Variants in IL34 observed in about 807,000 individuals in gnomAD.
IL34 encodes interleukin 34, also known as interleukin-34.
In IL34, 17 loss-of-function variants were observed where a neutral mutation model predicts 25.3. That is an observed-to-expected ratio of 0.67 (90% CI 0.46 to 1.01). The LOEUF is 1.01. IL34 is among the 50% of genes least tolerant of loss of function. The probability of loss-of-function intolerance (pLI) is 0.00; values close to 1 mark genes in which losing one functional copy is unlikely to be tolerated. For missense variants in IL34, 368 were observed against 312.9 expected (o/e 1.18, Z -1.33); for synonymous variants, 174 against 140.9 (o/e 1.23, Z -1.66).
chr16:70,643,544 A>G (rs2051836584), upstream of IL34, among the ~76,000 whole-genome samples: 1 of 151,992 alleles, frequency 6.6e-6, no homozygotes, highest in Non-Finnish European at 1.5e-5. Flanking sequence ...CTAATTAAAA[A>G]AATTTTTGTT....
At chr16:70,595,337 CT>C (rs1164185303) in intron 1 of IL34, among the ~76,000 whole-genome samples, 6 of 147,550 alleles carry the variant, frequency 4.1e-5, no homozygotes, top group African/African-American at 1.6e-4. Context: ...CCTTCTCCTT[CT>C]TTTTCTTCTT....
chr16:70,655,062 T>C (rs2052180855), intron 2 of IL34, among the ~76,000 whole-genome samples: 1 of 151,942 alleles, frequency 6.6e-6, no homozygotes, highest in Admixed American at 6.6e-5. Context: ...ATGTATCTTT[T>C]TTTTTTTTTG....
At chr16:70,621,118 G>A (rs2051272466) in intron 1 of IL34, among the ~76,000 whole-genome samples, 1 of 152,116 alleles carries the variant, frequency 6.6e-6, no homozygotes, top group Non-Finnish European at 1.5e-5. Context: ...CGCTAAGGGT[G>A]AAGGAGAAGG....
chr16:70,621,119 A>G (rs1332582827), intron 1 of IL34, among the ~76,000 whole-genome samples: 1 of 152,038 alleles, frequency 6.6e-6, no homozygotes, highest in East Asian at 1.9e-4. Flanking sequence ...GCTAAGGGTG[A>G]AGGAGAAGGG....
At chr16:70,593,594 A>G (rs2050781469) in intron 1 of IL34, among the ~76,000 whole-genome samples, 1 of 152,074 alleles carries the variant, frequency 6.6e-6, no homozygotes, top group African/African-American at 2.4e-5. Flanking sequence ...TGTGGCTCAT[A>G]GCAGTCTTGA....
chr16:70,654,574 A>G lies in IL34; in HGVS notation c.65A>G (p.Glu22Gly). The part of the protein sequence containing the change: ...GIFLGVALGN[E>G]PLEMWPLTQN... ...TTCCTTGGCGTGGCCTTGGGGAATGAGCCTTTGGAGATGTGGCCCTTGACG... is the reference window on the plus strand; with the variant it reads ...TTCCTTGGCGTGGCCTTGGGGAATGGGCCTTTGGAGATGTGGCCCTTGACG... Residue 22 changes from glutamate to glycine, a missense_variant, in exon 2 of 6, where the codon GAG (glutamate) becomes GGG (glycine). By Grantham distance (98) the Glu-to-Gly change is moderately conservative (BLOSUM62 -2). Transcript: ENST00000288098. The G allele has an allele frequency of 6.2e-7, 1 of 1,613,360 alleles. No homozygotes were observed. The highest frequency in any genetic ancestry group is 8.5e-7 in the Non-Finnish European group (1 of 1,179,540).
At chr16:70,581,163 C>T (rs1173186089) in intron 1 of IL34, among the ~76,000 whole-genome samples, 2 of 152,100 alleles carry the variant, frequency 1.3e-5, no homozygotes, top group Admixed American at 6.5e-5. Flanking sequence ...CCACCCACCT[C>T]GGCCTCCCAA....
chr16:70,654,553 T>G lies in IL34; in HGVS notation c.44T>G (p.Leu15Arg), dbSNP rs771977946. The change falls in exon 2 of 6, where the codon CTT becomes CGT. Residue 15 changes from leucine to arginine, a missense_variant. By Grantham distance (102) the Leu-to-Arg change is moderately radical. Coordinates refer to ENST00000288098, the MANE Select transcript of IL34 (RefSeq NM_001393494.1). ...TGGTCCACAGATCTTGGGATCTTCC[T>G]TGGCGTGGCCTTGGGGAATGAGCCT... ...FTWLRYLGIFLGVALGNEPLE... is the reference protein window; with the variant it reads ...FTWLRYLGIFRGVALGNEPLE... The G allele has an allele frequency of 6.2e-6, 10 of 1,612,144 alleles. No individual in the cohort carries two copies. Among genetic ancestry groups the G allele is most frequent in the South Asian group, 1.1e-5 (1 of 90,894 alleles).
Position 70,659,818 on chromosome 16 carries a change from A to C in IL34, c.538+65A>C, listed in dbSNP as rs1351266851. On this transcript the variant is annotated intron_variant, in intron 5 of 5. Coordinates refer to ENST00000288098, the MANE Select transcript of IL34 (RefSeq NM_001393494.1). ...CCAGGCATCTGGGCCCACCCAGGCC[A>C]GCTGGCAGAGCTGGCGTCCTCCCGG... is the stretch of plus-strand genomic sequence containing the variant. 4 of 1,538,320 alleles carry C rather than the reference A, an allele frequency of 2.6e-6. No individual in the cohort carries two copies. In the Admixed American group the frequency reaches 7.9e-5, roughly 30 times the overall value.
At chr16:70,627,207 T>A (rs1054254267) in intron 1 of IL34, among the ~76,000 whole-genome samples, 2 of 152,166 alleles carry the variant, frequency 1.3e-5, no homozygotes, top group African/African-American at 4.8e-5. Context: ...CTTGCTCATT[T>A]TTTTCCATTT....
intron 1 of IL34, among the ~76,000 whole-genome samples, chr16:70,586,838 G>A (rs1281591519): frequency 6.6e-6 from 1 of 152,228 alleles, no homozygotes; most frequent in African/African-American, 2.4e-5. Flanking sequence ...GGTCACGCAG[G>A]CGGGAGGTGG....
chr16:70,651,866 C>T (rs1453147170), intron 1 of IL34, among the ~76,000 whole-genome samples: 1 of 152,024 alleles, frequency 6.6e-6, no homozygotes, highest in Admixed American at 6.6e-5. Context: ...TGGCTTATGC[C>T]TGTAATCCCA....
In IL34 at chr16:70,660,092, C is replaced by T. The variant is rs1490697910; in HGVS notation, c.634C>T (p.Leu212=). 2 of 1,613,554 alleles carry T rather than the reference C, an allele frequency of 1.2e-6. No individual in the cohort carries two copies. The highest frequency in any genetic ancestry group is 2.7e-5 in the African/African-American group (2 of 74,908). The change falls in exon 6 of 6, where the codon CTG becomes TTG. Residue 212 remains leucine, a synonymous_variant. Transcript: ENST00000288098. ...EPSLQYAATQ[L]YPPPPWSPSS... The stretch of plus-strand genomic sequence containing the variant: ...CTCATTGCAGTATGCGGCCACCCAG[C>T]TGTACCCTCCGCCCCCGTGGTCCCC...
chr16:70,638,615 T>G (rs1004601642), intron 1 of IL34, among the ~76,000 whole-genome samples: 1 of 152,112 alleles, frequency 6.6e-6, no homozygotes, highest in African/African-American at 2.4e-5. Context: ...TATTATTTTT[T>G]TGAGACAAGG....
At chr16:70,628,717 C>A (rs2051451364) in intron 1 of IL34, among the ~76,000 whole-genome samples, 1 of 151,060 alleles carries the variant, frequency 6.6e-6, no homozygotes, top group Non-Finnish European at 1.5e-5. Flanking sequence ...GAACTCCTGA[C>A]CTTAATTGAT....
At chr16:70,623,332 T>C (rs932523041) in intron 1 of IL34, among the ~76,000 whole-genome samples, 1 of 152,012 alleles carries the variant, frequency 6.6e-6, no homozygotes, top group Non-Finnish European at 1.5e-5. Context: ...TAGGAGAGTA[T>C]ATGGGTTTGA....
intron 1 of IL34, among the ~76,000 whole-genome samples, chr16:70,635,217 G>A (rs1161574214): frequency 1.3e-5 from 2 of 152,152 alleles, no homozygotes; most frequent in African/African-American, 4.8e-5. Context: ...GTAACGTGGA[G>A]GGCCCCATTA....
At chr16:70,646,062 T>TA, upstream of IL34, among the ~76,000 whole-genome samples, 1 of 150,970 alleles carries the variant, frequency 6.6e-6, no homozygotes, top group East Asian at 2.0e-4. Flanking sequence ...CTCAAAAAAA[T>TA]TTTTTTTTTC....
chr16:70,590,674 G>A (rs1301991329), intron 1 of IL34, among the ~76,000 whole-genome samples: 1 of 152,112 alleles, frequency 6.6e-6, no homozygotes, highest in African/African-American at 2.4e-5. Context: ...AGCCCTGTGC[G>A]GTAGGGGCTG....
Sources: gnomAD v4.1 joint callset for allele counts (sites outside exome capture counted in the v4.1 genomes callset) on GRCh38, gnomAD v4.1.1 for gene constraint, MANE v1.5 for transcripts, NCBI Gene and HGNC (gene_info 2026-07-23, HGNC 2026-07-21) for gene names.